PCF11: variants seen among roughly 807,000 people sequenced by gnomAD.
The protein encoded by PCF11 is pre-mRNA cleavage complex 2 protein Pcf11.
In PCF11, 19 loss-of-function variants were observed where a neutral mutation model predicts 166.1. That is an observed-to-expected ratio of 0.11 (90% CI 0.08 to 0.17). PCF11 has a LOEUF of 0.17. PCF11 is among the 10% of genes least tolerant of loss of function. The pLI is 1.00. For synonymous variants in PCF11, 663 were observed against 644.1 expected (o/e 1.03, Z -0.44); for missense variants, 1,565 against 1,855.5 (o/e 0.84, Z 2.88).
At chr11:83,158,461 C>T (rs546873091) in intron 1 of PCF11, 5 of 152,354 alleles carry the variant, frequency 3.3e-5, no homozygotes, top group Non-Finnish European at 7.3e-5. Flanking sequence ...TTTCTCCCTT[C>T]CCTGATAGCG....
At chr11:83,160,506 A>G (rs910720597) in intron 1 of PCF11, among the ~76,000 whole-genome samples, 4 of 151,980 alleles carry the variant, frequency 2.6e-5, no homozygotes, top group Non-Finnish European at 5.9e-5. Flanking sequence ...TTGCAGTTGA[A>G]CTGGGGCAAC....
chr11:83,168,364 T>C, intron 7 of PCF11, 64 bp from the exon 8 acceptor site: 2 of 1,386,022 alleles, frequency 1.4e-6, no homozygotes, highest in South Asian at 1.5e-5. Flanking sequence ...TGGATAAACA[T>C]TCATACGAAA....
chr11:83,174,985 GA>G (rs1860824307), intron 9 of PCF11, among the ~76,000 whole-genome samples: 1 of 152,218 alleles, frequency 6.6e-6, no homozygotes, highest in South Asian at 2.1e-4. Context: ...AAGGCAGTAT[GA>G]TAAATGTATA....
chr11:83,172,647 C>T (rs1470507527), intron 9 of PCF11, among the ~76,000 whole-genome samples: 1 of 152,088 alleles, frequency 6.6e-6, no homozygotes, highest in African/African-American at 2.4e-5. Flanking sequence ...AGCTCCTGAC[C>T]TCAAGTGATC....
At position 83,174,802 on chromosome 11, in the gene PCF11, C is replaced by T. The variant is rs1459670313; in HGVS notation, c.3758-2283C>T. On this transcript the variant is annotated intron_variant, in intron 9 of 15. Transcript: ENST00000298281. Reference sequence around the variant, plus strand: ...GTTGGTTACTAGACTTGGCTGCCCTCAGACATCTGAATAGCTAATTGTGCA... The same window carrying T: ...GTTGGTTACTAGACTTGGCTGCCCTTAGACATCTGAATAGCTAATTGTGCA... 2.0e-5 allele frequency among the ~76,000 whole-genome samples: 3 copies of T among 152,262 alleles called. No individual in the cohort carries two copies. In the East Asian group the frequency reaches 5.8e-4, roughly 29 times the overall value.
At chr11:83,169,039 C>T (rs1860579603) in exon 8 of PCF11, 3 of 1,612,930 alleles carry the variant, frequency 1.9e-6, no homozygotes, top group Admixed American at 1.7e-5. Flanking sequence ...TGTGGGTGGA[C>T]TTAGATTTGA....
exon 16 of PCF11, chr11:83,185,968 G>C (rs1378097606): frequency 6.6e-6 from 1 of 152,334 alleles, no homozygotes; most frequent in Non-Finnish European, 1.5e-5. Flanking sequence ...GAGTTTTATT[G>C]AGCACATAGT....
exon 13 of PCF11, chr11:83,182,005 T>C: frequency 6.2e-7 from 1 of 1,600,434 alleles, no homozygotes; most frequent in African/African-American, 1.4e-5. Context: ...GCTGGAGCAG[T>C]TGAGGTGAGA....
chr11:83,164,612 G>GTGCT (rs1488066703), intron 4 of PCF11, among the ~76,000 whole-genome samples: 2 of 152,040 alleles, frequency 1.3e-5, no homozygotes, highest in Non-Finnish European at 2.9e-5. Context: ...GCCAGGCGCA[G>GTGCT]TGGATCATGC....
chr11:83,178,682 G>C (rs538770680), intron 11 of PCF11, among the ~76,000 whole-genome samples: 166 of 151,766 alleles, frequency 1.1e-3, no homozygotes, highest in Admixed American at 2.8e-3. Context: ...GCGCAGTGGC[G>C]GGTGCCTGTA....
intron 4 of PCF11, 106 bp downstream of exon 4, chr11:83,164,507 A>C (rs1321013268): frequency 3.9e-6 from 3 of 767,378 alleles, no homozygotes; most frequent in Non-Finnish European, 6.3e-6. Context: ...TTAATAGTGT[A>C]CTCTTTTTTC....
At chr11:83,168,802 G>C in exon 8 of PCF11, 1 of 1,613,754 alleles carries the variant, frequency 6.2e-7, no homozygotes, top group Non-Finnish European at 8.5e-7. Context: ...GAGATTTGAA[G>C]GTCCTCCAGG....
At chr11:83,158,597 T>C (rs1860101605) in intron 1 of PCF11, 1 of 152,254 alleles carries the variant, frequency 6.6e-6, no homozygotes, top group African/African-American at 2.4e-5. Context: ...ACTGTTCAAC[T>C]TAGTTACAAT....
chr11:83,159,385 A>G (rs1860139567), intron 1 of PCF11, among the ~76,000 whole-genome samples: 1 of 152,196 alleles, frequency 6.6e-6, no homozygotes, highest in South Asian at 2.1e-4. Flanking sequence ...AAATCTAATT[A>G]CCTCGTATCT....
At chr11:83,180,830 G>A (rs1438350145) in intron 11 of PCF11, 178 bp from the exon 12 acceptor site, 2 of 402,110 alleles carry the variant, frequency 5.0e-6, no homozygotes, top group Non-Finnish European at 9.0e-6. Flanking sequence ...CCAAAGTTAA[G>A]GTAAAGAGGG....
chr11:83,174,276 C>T (rs918129369), intron 9 of PCF11, among the ~76,000 whole-genome samples: 3 of 152,110 alleles, frequency 2.0e-5, no homozygotes, highest in Non-Finnish European at 2.9e-5. Context: ...AGGAAATATA[C>T]CCATGTTCAT....
At chr11:83,168,926 G>T in exon 8 of PCF11, 1 of 1,613,810 alleles carries the variant, frequency 6.2e-7, no homozygotes. Flanking sequence ...GGTGGTTTGA[G>T]ATTTGAGGGA....
chr11:83,177,799 T>C, exon 11 of PCF11: 2 of 1,513,716 alleles, frequency 1.3e-6, no homozygotes, highest in East Asian at 4.9e-5. Context: ...TTACTAATTT[T>C]ACAGTTGAAG....
intron 8 of PCF11, 76 bp downstream of exon 8, chr11:83,170,071 G>C (rs1860633127): frequency 1.6e-6 from 2 of 1,237,610 alleles, no homozygotes; most frequent in African/African-American, 3.0e-5. Flanking sequence ...AGGGTTTTCA[G>C]GACATAGTTT....
Sources: allele counts gnomAD v4.1 joint callset (sites outside exome capture counted in the v4.1 genomes callset), GRCh38; gene constraint gnomAD v4.1.1; transcripts MANE v1.5; gene names NCBI Gene and HGNC (gene_info 2026-07-23, HGNC 2026-07-21).